The following PXDNL variants were observed in gnomAD, a reference collection of about 807,000 sequenced individuals.
PXDNL encodes the protein peroxidasin like.
Under a neutral mutation model 150.8 loss-of-function variants are expected in PXDNL, and 145 were observed. The ratio of observed to expected loss-of-function variants is 0.96; its 90% CI spans 0.84 to 1.10. PXDNL has a LOEUF of 1.10. Ranked by LOEUF, PXDNL falls within the 50% of genes least tolerant of loss-of-function variation. The pLI is 0.00. For synonymous variants in PXDNL, 757 were observed against 725.7 expected, an observed-to-expected ratio of 1.04 and a Z score of -0.69; for missense variants, 2,087 against 1,873.9, an observed-to-expected ratio of 1.11 and a Z score of -2.10.
intron 1 of PXDNL, among the ~76,000 whole-genome samples, chr8:51,742,585 T>G (rs1384357516): frequency 6.6e-6 from 1 of 151,714 alleles, no homozygotes; most frequent in Admixed American, 6.6e-5. Flanking sequence ...TTTTTTAAAT[T>G]TAGACAAAAA....
intron 1 of PXDNL, among the ~76,000 whole-genome samples, chr8:51,760,845 C>CTTTTT (rs71237237): frequency 0.018 from 826 of 45,466 alleles, 235 homozygotes; most frequent in East Asian, 0.077. Flanking sequence ...ATCACTTAAA[C>CTTTTT]TTTTTTTTTT....
Position 51,662,032 on chromosome 8 carries a change from A to G in PXDNL, c.165-7272T>C, listed in dbSNP as rs377347264. ...AATGAAATTCCCATCCCACATCTAC[A>G]CTATTTTCCAGAAATCAGTTTAATT... On this transcript the variant is annotated intron_variant, in intron 1 of 22. Transcript: ENST00000356297. Among the ~76,000 whole-genome samples the G allele has an allele frequency of 3.5e-4, 54 of 152,124 alleles. 1 individual carries two copies. In the East Asian group the frequency reaches 5.4e-3, roughly 15 times the overall value.
intron 4 of PXDNL, among the ~76,000 whole-genome samples, chr8:51,501,632 A>G (rs940892208): frequency 5.3e-5 from 8 of 151,984 alleles, no homozygotes; most frequent in Admixed American, 3.9e-4. Flanking sequence ...TCACACTCAC[A>G]CTGTCTCATG....
chr8:51,718,747 G>A (rs1254825968), intron 1 of PXDNL, among the ~76,000 whole-genome samples: 1 of 152,196 alleles, frequency 6.6e-6, no homozygotes, highest in Non-Finnish European at 1.5e-5. Context: ...CAGCTCATAT[G>A]CCCCCTGAGG....
chr8:51,661,770 G>A (rs1585656567), intron 1 of PXDNL, among the ~76,000 whole-genome samples: 2 of 152,296 alleles, frequency 1.3e-5, no homozygotes, highest in African/African-American at 4.8e-5. Flanking sequence ...AGCCAGAAAG[G>A]AAGGGCATTC....
At chr8:51,451,231 C>T (rs535376831) in intron 10 of PXDNL, among the ~76,000 whole-genome samples, 14 of 152,160 alleles carry the variant, frequency 9.2e-5, no homozygotes, top group Admixed American at 2.6e-4. Flanking sequence ...TTAAACTTCA[C>T]GTGTTCTCAC....
intron 5 of PXDNL, among the ~76,000 whole-genome samples, chr8:51,499,412 T>A (rs1293104027): frequency 6.6e-6 from 1 of 152,232 alleles, no homozygotes; most frequent in Non-Finnish European, 1.5e-5. Context: ...ATTACAGGTG[T>A]GAGCCACCTT....
chr8:51,604,849 C>T (rs1813804778), intron 2 of PXDNL, among the ~76,000 whole-genome samples: 1 of 152,032 alleles, frequency 6.6e-6, no homozygotes, highest in Non-Finnish European at 1.5e-5. Context: ...GCAAATATCT[C>T]GTCAGAGTTT....
chr8:51,677,102 A>G (rs117110332), intron 1 of PXDNL, among the ~76,000 whole-genome samples: 2,004 of 152,352 alleles, frequency 0.013, 31 homozygotes, highest in South Asian at 0.046. Flanking sequence ...ATGAAAGCCT[A>G]CTGCTTTGTT....
chr8:51,736,232 GTA>G (rs1229863299), intron 1 of PXDNL, among the ~76,000 whole-genome samples: 2 of 152,160 alleles, frequency 1.3e-5, no homozygotes, highest in Non-Finnish European at 2.9e-5. Flanking sequence ...ATATACATTT[GTA>G]TAGAGTGAAT....
chr8:51,600,200 A>T (rs1813668392), intron 2 of PXDNL, among the ~76,000 whole-genome samples: 1 of 142,392 alleles, frequency 7.0e-6, no homozygotes, highest in African/African-American at 2.6e-5. Context: ...TATATCGTTT[A>T]GATAATAAAT....
chr8:51,506,619 TGA>T (rs1207736669), intron 4 of PXDNL, among the ~76,000 whole-genome samples: 1 of 151,736 alleles, frequency 6.6e-6, no homozygotes, highest in Non-Finnish European at 1.5e-5. Flanking sequence ...ACAGTATGAT[TGA>T]GAGTTATGAA....
intron 17 of PXDNL, among the ~76,000 whole-genome samples, chr8:51,376,263 T>G (rs1215759812): frequency 6.6e-6 from 1 of 152,230 alleles, no homozygotes; most frequent in Admixed American, 6.5e-5. Context: ...CTGTACAGCC[T>G]GGAACAGACA....
chr8:51,361,218 G>A (rs74395074), intron 19 of PXDNL, among the ~76,000 whole-genome samples: 1 of 152,160 alleles, frequency 6.6e-6, no homozygotes. Flanking sequence ...AACTGGACTG[G>A]ATGCAGAATC....
intron 19 of PXDNL, among the ~76,000 whole-genome samples, chr8:51,357,587 G>C (rs1806551794): frequency 6.6e-6 from 1 of 152,174 alleles, no homozygotes; most frequent in African/African-American, 2.4e-5. Context: ...ATCAGAGTCA[G>C]TATACACACA....
rs888014654 is a variant in PXDNL, at chr8:51,541,265, A to C, written c.380+15575T>G. ...GAGTGAGACTCCATAAAAAAAAAAA[A>C]AAAAAGAATATTGGACTTTCTGCCA... On this transcript the variant is annotated intron_variant, in intron 4 of 22. Transcript: ENST00000356297. Among the ~76,000 whole-genome samples the C allele has an allele frequency of 3.3e-5, 5 of 151,902 alleles. No homozygotes were observed. In the East Asian group the frequency reaches 9.7e-4, roughly 29 times the overall value.
At position 51,408,621 on chromosome 8, in the gene PXDNL, G is replaced by A; in HGVS notation, c.3003C>T (p.Ala1001=). The A allele has an allele frequency of 2.5e-6, 4 of 1,610,200 alleles. No homozygotes were observed. Among genetic ancestry groups the A allele is most frequent in the Non-Finnish European group, 3.4e-6 (4 of 1,178,304 alleles). The change falls in exon 17 of 23, where the codon GCC becomes GCT. Residue 1001 remains alanine, a synonymous_variant. Coordinates refer to ENST00000356297, the MANE Select transcript of PXDNL (RefSeq NM_144651.5). ...GCAGCTCCGCGCCCACGATCTTCCTGGCTTCCTGGTAAACCGTGTTTCCCT... is the reference window on the plus strand; with the variant it reads ...GCAGCTCCGCGCCCACGATCTTCCTAGCTTCCTGGTAAACCGTGTTTCCCT... ...HWEGNTVYQE[A]RKIVGAELQH...
intron 2 of PXDNL, among the ~76,000 whole-genome samples, chr8:51,634,925 A>G (rs986375618): frequency 1.3e-5 from 2 of 152,126 alleles, no homozygotes; most frequent in Non-Finnish European, 2.9e-5. Flanking sequence ...GTCAGTGAAG[A>G]CAGATAATTT....
At chr8:51,613,491 G>C (rs56005314) in intron 2 of PXDNL, among the ~76,000 whole-genome samples, 1,378 of 38,522 alleles carry the variant, frequency 0.036, 27 homozygotes, top group Middle Eastern at 0.15. Flanking sequence ...GGGCGGGGGG[G>C]GGGCAGGGCG....
Sources: allele counts gnomAD v4.1 joint callset (sites outside exome capture counted in the v4.1 genomes callset), GRCh38; gene constraint gnomAD v4.1.1; transcripts MANE v1.5; gene names NCBI Gene and HGNC (gene_info 2026-07-23, HGNC 2026-07-21).